Variants in CTNNA3 observed in about 807,000 individuals in gnomAD.
CTNNA3 encodes catenin alpha 3.
In CTNNA3, 76 loss-of-function variants were observed where a neutral mutation model predicts 95.7. The observed-to-expected ratio is 0.79, with a 90% CI of 0.66 to 0.96. The LOEUF is 0.96. Among genes scored for constraint, CTNNA3 ranks in the 40% least tolerant of loss-of-function variants. The pLI, the probability that CTNNA3 is intolerant of heterozygous loss-of-function variation, is 0.00. For synonymous variants in CTNNA3, 431 were observed against 374.4 expected (o/e 1.15, Z -1.74); for missense variants, 1,191 against 1,089.8 (o/e 1.09, Z -1.31).
intron 15 of CTNNA3, among the ~76,000 whole-genome samples, chr10:66,034,934 T>C (rs3858137): frequency 0.45 from 67,972 of 152,052 alleles, 15,456 homozygotes; most frequent in Admixed American, 0.55. Flanking sequence ...TTTTAAATTT[T>C]AAAATAGTTA....
intron 14 of CTNNA3, among the ~76,000 whole-genome samples, chr10:66,099,988 A>T (rs2081553376): frequency 6.6e-6 from 1 of 152,182 alleles, no homozygotes; most frequent in Admixed American, 6.5e-5. Flanking sequence ...TAATATTAAT[A>T]TAGCAAATTT....
At chr10:67,223,193 C>T (rs749325298) in intron 5 of CTNNA3, among the ~76,000 whole-genome samples, 2 of 152,184 alleles carry the variant, frequency 1.3e-5, no homozygotes, top group Non-Finnish European at 2.9e-5. Context: ...ATGACCATTT[C>T]TCCCAAAGGA....
intron 4 of CTNNA3, among the ~76,000 whole-genome samples, chr10:67,522,523 T>G (rs1840018791): frequency 6.6e-6 from 1 of 152,128 alleles, no homozygotes; most frequent in Non-Finnish European, 1.5e-5. Flanking sequence ...AAACTTAACA[T>G]TTTGATGATC....
At chr10:67,457,168 CTG>C (rs1847203961) in intron 5 of CTNNA3, among the ~76,000 whole-genome samples, 1 of 152,180 alleles carries the variant, frequency 6.6e-6, no homozygotes, top group Non-Finnish European at 1.5e-5. Flanking sequence ...TCAAGAAAAA[CTG>C]TGGACATTTC....
chr10:66,620,992 T>A (rs1157712961), intron 10 of CTNNA3, among the ~76,000 whole-genome samples: 2 of 152,156 alleles, frequency 1.3e-5, no homozygotes, highest in Non-Finnish European at 2.9e-5. Flanking sequence ...TTTCTCTATG[T>A]GTATCTTGAT....
intron 7 of CTNNA3, among the ~76,000 whole-genome samples, chr10:66,921,316 G>T (rs1846776635): frequency 6.6e-6 from 1 of 152,084 alleles, no homozygotes; most frequent in Non-Finnish European, 1.5e-5. Flanking sequence ...TTGGGAATTG[G>T]GGTTTCAATA....
chr10:67,200,948 G>A (rs1863615658), intron 6 of CTNNA3, among the ~76,000 whole-genome samples: 1 of 152,092 alleles, frequency 6.6e-6, no homozygotes, highest in Admixed American at 6.6e-5. Context: ...GTTTCCTCCT[G>A]TTTTTTCATC....
chr10:67,169,852 T>A (rs147867861), intron 7 of CTNNA3, among the ~76,000 whole-genome samples: 11,504 of 152,194 alleles, frequency 0.076, 636 homozygotes, highest in African/African-American at 0.15. Context: ...GAGAAAATAT[T>A]TGCAAACTAT....
At chr10:67,727,520 T>C (rs1051553374) in intron 1 of CTNNA3, among the ~76,000 whole-genome samples, 1 of 132,710 alleles carries the variant, frequency 7.5e-6, no homozygotes, top group African/African-American at 2.7e-5. Context: ...TAACATATCA[T>C]ATATTATGTA....
intron 2 of CTNNA3, among the ~76,000 whole-genome samples, chr10:67,625,417 G>C (rs1344579294): frequency 3.9e-5 from 6 of 152,040 alleles, no homozygotes; most frequent in African/African-American, 1.4e-4. Context: ...AATTTTGAGG[G>C]GATCATGAGA....
intron 5 of CTNNA3, among the ~76,000 whole-genome samples, chr10:67,423,941 A>G (rs1204619621): frequency 6.6e-6 from 1 of 152,202 alleles, no homozygotes; most frequent in Non-Finnish European, 1.5e-5. Context: ...TCCCTTAGAA[A>G]TATATTCTAA....
At chr10:67,311,383 T>G (rs1840793787) in intron 5 of CTNNA3, among the ~76,000 whole-genome samples, 1 of 152,040 alleles carries the variant, frequency 6.6e-6, no homozygotes, top group Admixed American at 6.6e-5. Context: ...ATAGGTAACT[T>G]TAAACAAGAA....
At chr10:66,092,975 A>G (rs1310337820) in intron 14 of CTNNA3, among the ~76,000 whole-genome samples, 1 of 151,912 alleles carries the variant, frequency 6.6e-6, no homozygotes, top group African/African-American at 2.4e-5. Context: ...CAGATTAGCT[A>G]TTGAATATTA....
intron 5 of CTNNA3, among the ~76,000 whole-genome samples, chr10:67,443,486 TTC>T (rs2132939918): frequency 6.6e-6 from 1 of 152,100 alleles, no homozygotes; most frequent in South Asian, 2.1e-4. Flanking sequence ...ATGATTGCCG[TTC>T]TAACTGGTGT....
At position 65,918,607 on chromosome 10, in the gene CTNNA3, C is replaced by T. The variant is rs2077035430; in HGVS notation, c.*1723G>A. 1 of 152,144 alleles carries T rather than the reference C, an allele frequency of 6.6e-6. No individual in the cohort carries two copies. Among genetic ancestry groups the T allele is most frequent in the African/African-American group, 2.4e-5 (1 of 41,424 alleles). 9.4% of individuals were successfully genotyped at this position (152,144 alleles called of 1,614,324 possible). A position where few individuals can be genotyped will look rare whatever the true frequency, so the allele number is the denominator to read the frequency against. On this transcript the variant is annotated 3_prime_UTR_variant, in exon 18 of 18. Transcript: ENST00000433211. ...TGCCTTTTCTTCTGGGCAGTGCATTCTGTTCAGAATAGTTATTGTAGGCCA... is the reference window on the plus strand; with the variant it reads ...TGCCTTTTCTTCTGGGCAGTGCATTTTGTTCAGAATAGTTATTGTAGGCCA...
rs199610462 is a variant in CTNNA3, at chr10:67,143,441, A to G, written c.1047+36876T>C. ...GCTCTGTCTTAAAAAAAAAAAAAAA[A>G]AAAAAATTATCTGTAGTATGTGAGG... On this transcript the variant is annotated intron_variant, in intron 7 of 17. Transcript: ENST00000433211. Among the ~76,000 whole-genome samples the G allele has an allele frequency of 3.3e-5, 5 of 150,796 alleles. No homozygotes were observed. The East Asian group carries it at 9.7e-4, about 29-fold the overall frequency.
intron 11 of CTNNA3, among the ~76,000 whole-genome samples, chr10:66,401,609 G>T (rs2093022079): frequency 6.8e-6 from 1 of 146,202 alleles, no homozygotes; most frequent in African/African-American, 2.5e-5. Flanking sequence ...ATTGAATTTT[G>T]ATTTTACTTT....
At chr10:66,751,013 T>C (rs1423614649) in intron 9 of CTNNA3, among the ~76,000 whole-genome samples, 4 of 152,180 alleles carry the variant, frequency 2.6e-5, no homozygotes, top group Admixed American at 1.3e-4. Context: ...CTCATGTCTA[T>C]AATCCCAGCA....
At position 66,766,285 on chromosome 10, in the gene CTNNA3, T is replaced by C; in HGVS notation, c.1260A>G (p.Glu420=). 6.2e-7 allele frequency: 1 copy of C among 1,613,908 alleles called. No homozygotes were observed. Among genetic ancestry groups the C allele is most frequent in the South Asian group, 1.1e-5 (1 of 91,078 alleles). ...EIKEYAAIFH[E]HTSRLVEVAN... ...TTACCTCTACAAGCCTGCTGGTGTG[T>C]TCATGAAATATCGCAGCATATTCTT... The change falls in exon 9 of 18, where the codon GAA becomes GAG. Residue 420 remains glutamate (E), a synonymous_variant. Coordinates refer to ENST00000433211, the MANE Select transcript of CTNNA3 (RefSeq NM_013266.4).
Sources: gnomAD v4.1 joint callset for allele counts (sites outside exome capture counted in the v4.1 genomes callset) on GRCh38, gnomAD v4.1.1 for gene constraint, MANE v1.5 for transcripts, NCBI Gene and HGNC (gene_info 2026-07-23, HGNC 2026-07-21) for gene names.